Variants in AGO4 observed in about 807,000 individuals in gnomAD.
AGO4 encodes the protein protein argonaute-4.
AGO4 carries 33 observed loss-of-function variants against 104.7 expected under a neutral mutation model. The ratio of observed to expected loss-of-function variants is 0.32; its 90% CI spans 0.24 to 0.42. The LOEUF is 0.42. Ranked by LOEUF, AGO4 falls within the 10% of genes least tolerant of loss-of-function variation. AGO4 has a pLI of 1.00. For synonymous variants in AGO4, 331 were observed against 364.7 expected (o/e 0.91, Z 1.05); for missense variants, 711 against 1,083.4 (o/e 0.66, Z 4.83).
At position 35,817,062 on chromosome 1, in the gene AGO4, C is replaced by G; in HGVS notation, c.185+15C>G. The G allele has an allele frequency of 6.3e-7, 1 of 1,575,116 alleles. No homozygotes were observed. The highest frequency in any genetic ancestry group is 8.6e-7 in the Non-Finnish European group (1 of 1,159,016). On this transcript the variant is annotated intron_variant, in intron 2 of 17. Transcript: ENST00000373210. The stretch of plus-strand genomic sequence containing the variant: ...AGAGTCAACAGGTAAGGATTAGAAA[C>G]AGTGGATTTCTGTATATTTAAGTGC...
At chr1:35,839,488 C>T (rs1243946425) in intron 13 of AGO4, among the ~76,000 whole-genome samples, 1 of 152,050 alleles carries the variant, frequency 6.6e-6, no homozygotes, top group African/African-American at 2.4e-5. Flanking sequence ...ATTCTTTATC[C>T]TCTTATGTCT....
At chr1:35,832,254 T>C in intron 10 of AGO4, 69 bp downstream of exon 10, 2 of 1,581,522 alleles carry the variant, frequency 1.3e-6, no homozygotes, top group Non-Finnish European at 1.7e-6. Flanking sequence ...CCAGGGTTTC[T>C]CTACTCTGCC....
intron 1 of AGO4, among the ~76,000 whole-genome samples, chr1:35,811,080 G>C (rs773041682): frequency 6.6e-6 from 1 of 152,006 alleles, no homozygotes; most frequent in East Asian, 1.9e-4. Context: ...TTGAGCCTGC[G>C]AGGCAGAGGA....
rs144028797 is a variant in AGO4 at position 35,823,388 on chromosome 1, G to T, written c.306+406G>T. Among the ~76,000 whole-genome samples, 23 of 152,132 alleles carry T rather than the reference G, an allele frequency of 1.5e-4. No individual in the cohort carries two copies. The East Asian group carries it at 4.4e-3, about 29-fold the overall frequency. On this transcript the variant is annotated intron_variant, in intron 3 of 17. Coordinates refer to ENST00000373210, the MANE Select transcript of AGO4 (RefSeq NM_017629.4). Reference sequence around the variant, plus strand: ...CTGCCCCAGCCTTCCAAGTAGCTGGGATTACAGGCATGTGCCACCACACCT... The same window carrying T: ...CTGCCCCAGCCTTCCAAGTAGCTGGTATTACAGGCATGTGCCACCACACCT...
chr1:35,843,080 T>C (rs1241196765), intron 15 of AGO4, among the ~76,000 whole-genome samples: 1 of 152,258 alleles, frequency 6.6e-6, no homozygotes, highest in East Asian at 1.9e-4. Context: ...TTCTCTTTTT[T>C]TGAGACCGAG....
intron 1 of AGO4, among the ~76,000 whole-genome samples, chr1:35,810,309 G>A (rs1166948510): frequency 6.6e-6 from 1 of 152,116 alleles, no homozygotes; most frequent in African/African-American, 2.4e-5. Flanking sequence ...CGTCTTGTGG[G>A]ATGATTCATC....
rs901498461 is a variant in AGO4, at chr1:35,856,324, C to G, written c.*2719C>G. ...CTGAATGCATAGTTTTACTTTAATTCGGCTTGACAATTTGAATAGGTAACC... is the reference window on the plus strand; with the variant it reads ...CTGAATGCATAGTTTTACTTTAATTGGGCTTGACAATTTGAATAGGTAACC... On this transcript the variant is annotated 3_prime_UTR_variant, in exon 18 of 18. Transcript: ENST00000373210. The G allele has an allele frequency of 6.6e-6, 1 of 152,148 alleles. No homozygotes were observed. The highest frequency in any genetic ancestry group is 2.4e-5 in the African/African-American group (1 of 41,422). The allele number at this position is 152,148 out of a possible 1,614,324, so 9.4% of individuals were successfully genotyped here.
chr1:35,808,143 C>G lies in AGO4; in HGVS notation c.-274C>G, dbSNP rs1643356456. The G allele has an allele frequency of 6.4e-6, 1 of 156,360 alleles. No homozygotes were observed. The highest frequency in any genetic ancestry group is 1.4e-5 in the Non-Finnish European group (1 of 73,136). 9.7% of individuals were successfully genotyped at this position (156,360 alleles called of 1,614,324 possible). A position where few individuals can be genotyped will look rare whatever the true frequency, so the allele number is the denominator to read the frequency against. On this transcript the variant is annotated 5_prime_UTR_variant, in exon 1 of 18. Coordinates refer to ENST00000373210, the MANE Select transcript of AGO4 (RefSeq NM_017629.4). The surrounding 1 kb of genome is among the most constrained non-coding windows in gnomAD (Gnocchi z 5.2). Reference sequence around the variant, plus strand: ...GCCCCCTTCCCTCCCGGCGGGCGCGCGCGCTGGCTCCCGCTCCCGCTCCCG... The same window carrying G: ...GCCCCCTTCCCTCCCGGCGGGCGCGGGCGCTGGCTCCCGCTCCCGCTCCCG...
chr1:35,838,294 A>G (rs183950602), intron 13 of AGO4, among the ~76,000 whole-genome samples: 17 of 152,228 alleles, frequency 1.1e-4, no homozygotes, highest in Admixed American at 6.5e-4. Flanking sequence ...GACCTCAAGC[A>G]ATCGGCCCAC....
chr1:35,810,922 A>C (rs1643479683), intron 1 of AGO4, among the ~76,000 whole-genome samples: 1 of 152,068 alleles, frequency 6.6e-6, no homozygotes, highest in Admixed American at 6.6e-5. Flanking sequence ...ATTTGCGGCC[A>C]GGAGTTCGAG....
chr1:35,809,714 A>C (rs749524311), intron 1 of AGO4, among the ~76,000 whole-genome samples: 8 of 152,218 alleles, frequency 5.3e-5, no homozygotes, highest in Non-Finnish European at 1.0e-4. Flanking sequence ...CTAGTAATGT[A>C]ATAGTTGTAT....
rs1020959711 is a variant in AGO4, at chr1:35,839,418, G to A, written c.1725-1747G>A. 2.6e-5 allele frequency among the ~76,000 whole-genome samples: 4 copies of A among 152,152 alleles called. No individual in the cohort carries two copies. In the South Asian group the frequency reaches 8.3e-4, roughly 32 times the overall value. The stretch of plus-strand genomic sequence containing the variant: ...AGTGGCTTAGAGTGCATACTTTGGC[G>A]TTAAACTTCTTTGGTTTGGATTGCA... On this transcript the variant is annotated intron_variant, in intron 13 of 17. Transcript: ENST00000373210.
At chr1:35,828,549 A>G (rs2148664250) in intron 7 of AGO4, among the ~76,000 whole-genome samples, 1 of 151,242 alleles carries the variant, frequency 6.6e-6, no homozygotes, top group East Asian at 1.9e-4. Flanking sequence ...GACAGAGTTT[A>G]GCTCTTGTTG....
chr1:35,818,224 G>C (rs190051397), intron 2 of AGO4, among the ~76,000 whole-genome samples: 1 of 152,138 alleles, frequency 6.6e-6, no homozygotes, highest in East Asian at 1.9e-4. Context: ...ATATACGTAT[G>C]CAAATACCTA....
chr1:35,849,766 T>C (rs1207463207), intron 15 of AGO4, among the ~76,000 whole-genome samples: 1 of 151,704 alleles, frequency 6.6e-6, no homozygotes, highest in Non-Finnish European at 1.5e-5. Flanking sequence ...TTACTGAAAA[T>C]TGTGAATTTT....
At position 35,834,812 on chromosome 1, in the gene AGO4, C is replaced by G. The variant is rs143700163; in HGVS notation, c.1564+638C>G. 1.2e-3 allele frequency among the ~76,000 whole-genome samples: 175 copies of G among 152,166 alleles called. 2 individuals carry two copies. The East Asian group carries it at 0.012, about 10-fold the overall frequency. On this transcript the variant is annotated intron_variant, in intron 12 of 17. Transcript: ENST00000373210. ...CTGGGCTCAAGTGATTCTCCCGTCT[C>G]AGGCTCTCGAGTAGCTGGGAATACA...
rs766631904 is a variant in AGO4 at position 35,841,799 on chromosome 1, T to C, written c.2175+49T>C. 1 of 1,436,152 alleles carries C rather than the reference T, an allele frequency of 7.0e-7. No homozygotes were observed. Among genetic ancestry groups the C allele is most frequent in the East Asian group, 2.4e-5 (1 of 42,084 alleles). 89.0% of individuals were successfully genotyped at this position (1,436,152 alleles called of 1,614,324 possible). ...TGTTATCTGAGGCTCTGGCAAGAGATGTATATATGCACATATATATATATA... is the reference window on the plus strand; with the variant it reads ...TGTTATCTGAGGCTCTGGCAAGAGACGTATATATGCACATATATATATATA... On this transcript the variant is annotated intron_variant, in intron 15 of 17. Coordinates refer to ENST00000373210, the MANE Select transcript of AGO4 (RefSeq NM_017629.4). The surrounding 1 kb of genome is among the most constrained non-coding windows in gnomAD (Gnocchi z 4.7).
chr1:35,809,106 G>C (rs1643413663), intron 1 of AGO4, among the ~76,000 whole-genome samples: 2 of 152,176 alleles, frequency 1.3e-5, no homozygotes, highest in South Asian at 4.1e-4. Flanking sequence ...TCCACCACAG[G>C]CTTCAATGCC....
At position 35,841,344 on chromosome 1, in the gene AGO4, T is replaced by C; in HGVS notation, c.1904T>C (p.Leu635Pro). The change falls in exon 14 of 18, where the codon CTC becomes CCC. Residue 635 changes from leucine to proline, a missense_variant. Coordinates refer to ENST00000373210, the MANE Select transcript of AGO4 (RefSeq NM_017629.4). The surrounding 1 kb of genome is among the most constrained non-coding windows in gnomAD (Gnocchi z 4.7). ...TSRQEISQEL[L>P]YSQEVIQDLT... is the part of the protein sequence containing the mutation. ...CGGCAGGAGATCTCCCAAGAGCTCC[T>C]CTACAGTCAAGAGGTCATCCAGGAC... 6.2e-7 allele frequency: 1 copy of C among 1,614,178 alleles called. No homozygotes were observed.
Sources: gnomAD v4.1 joint callset for allele counts (sites outside exome capture counted in the v4.1 genomes callset) on GRCh38, gnomAD v4.1.1 for gene constraint, Gnocchi (gnomAD v3.1) non-coding constraint, MANE v1.5 for transcripts, NCBI Gene and HGNC (gene_info 2026-07-23, HGNC 2026-07-21) for gene names.